NLRP12: variants seen among roughly 807,000 people sequenced by gnomAD.
NLRP12 encodes the protein NACHT, LRR and PYD domains-containing protein 12.
NLRP12 carries 108 observed loss-of-function variants against 91.2 expected under a neutral mutation model. The ratio of observed to expected loss-of-function variants is 1.18; its 90% confidence interval spans 1.01 to 1.39. The LOEUF (loss-of-function observed/expected upper bound fraction) is 1.39, where lower values mean the gene tolerates loss of function less well. Among genes scored for constraint, NLRP12 ranks in the 40% most tolerant of loss-of-function variants. The pLI, the probability that NLRP12 is intolerant of heterozygous loss-of-function variation, is 0.00. For synonymous variants in NLRP12, 613 were observed against 566.7 expected (o/e 1.08, Z -1.16); for missense variants, 1,530 against 1,352.7 (o/e 1.13, Z -2.06).
Position 53,810,734 on chromosome 19 carries a change from G to C in NLRP12, c.925C>G (p.Pro309Ala). 1 of 1,614,030 alleles carries C rather than the reference G, an allele frequency of 6.2e-7. No homozygotes were observed. Among genetic ancestry groups the C allele is most frequent in the Non-Finnish European group, 8.5e-7 (1 of 1,180,018 alleles). Residue 309 changes from proline to alanine, a missense_variant, in exon 3 of 10, where the codon CCC becomes GCC. Transcript: ENST00000324134. ...LKPSFHDPQG[P>A]WCLCWEEKRP... The stretch of plus-strand genomic sequence containing the variant: ...TTCTCCTCCCAGCAGAGGCACCAGG[G>C]TCCCTGAGGATCGTGGAAAGAAGGC...
chr19:53,811,110 G>A lies in NLRP12; in HGVS notation c.549C>T (p.His183=), dbSNP rs753676711. 5 of 1,614,054 alleles carry A rather than the reference G, an allele frequency of 3.1e-6. No individual in the cohort carries two copies. The highest frequency in any genetic ancestry group is 2.2e-5 in the East Asian group (1 of 44,844). ...QQQLLDTGRG[H]ARTVGHQASP... is the part of the protein sequence containing the mutation. ...TAGCCTGGTGTCCCACGGTCCTCGC[G>A]TGTCCCCGGCCTGTGTCCAGAAGCT... The change falls in exon 3 of 10, where the codon CAC becomes CAT. Residue 183 remains histidine, a synonymous_variant. Transcript: ENST00000324134.
At chr19:53,803,743 T>G in intron 6 of NLRP12, 1 of 550,992 alleles carries the variant, frequency 1.8e-6, no homozygotes, top group Non-Finnish European at 3.4e-6. Flanking sequence ...CCAGCTAATT[T>G]TTGTATCTTT....
intron 7 of NLRP12, among the ~76,000 whole-genome samples, chr19:53,799,658 T>TA (rs2091834954): frequency 6.6e-6 from 1 of 151,956 alleles, no homozygotes; most frequent in African/African-American, 2.4e-5. Context: ...AATTTTTATA[T>TA]TTTTAGTAGA....
intron 1 of NLRP12, among the ~76,000 whole-genome samples, chr19:53,818,666 A>G: frequency 6.6e-6 from 1 of 152,206 alleles, no homozygotes; most frequent in South Asian, 2.1e-4. Flanking sequence ...CTCCGTCTCA[A>G]AAAAATAAAT....
At chr19:53,798,446 G>C (rs1291553816) in intron 7 of NLRP12, 33 bp from the exon 8 acceptor site, 1 of 1,603,496 alleles carries the variant, frequency 6.2e-7, no homozygotes, top group Non-Finnish European at 8.5e-7. Context: ...CGGAGTGGGA[G>C]GCATTCCTCC....
At chr19:53,797,367 T>TC (rs924811165) in intron 8 of NLRP12, among the ~76,000 whole-genome samples, 1 of 151,570 alleles carries the variant, frequency 6.6e-6, no homozygotes, top group African/African-American at 2.4e-5. Context: ...TCATGATCTG[T>TC]CCGCCTTGGA....
intron 9 of NLRP12, among the ~76,000 whole-genome samples, chr19:53,795,118 G>C (rs867960128): frequency 7.7e-4 from 116 of 150,352 alleles, no homozygotes; most frequent in Middle Eastern, 3.4e-3. Context: ...GTGTGTGTGT[G>C]TGTGTGTGTG....
intron 1 of NLRP12, among the ~76,000 whole-genome samples, chr19:53,817,215 A>G (rs1406262197): frequency 6.6e-6 from 1 of 151,926 alleles, no homozygotes; most frequent in Non-Finnish European, 1.5e-5. Context: ...GGATTACCTG[A>G]TGTCAGGAGT....
At position 53,810,317 on chromosome 19, in the gene NLRP12, C is replaced by T. The variant is rs914321661; in HGVS notation, c.1342G>A (p.Gly448Arg). 5.0e-6 allele frequency: 8 copies of T among 1,613,598 alleles called. No individual in the cohort carries two copies. The highest frequency in any genetic ancestry group is 1.6e-4 in the Middle Eastern group (1 of 6,084). ...YLLSLMQPKP[G>R]APRLQPPPNQ... ...GGTGGGGGCTGGAGGCGCGGGGCCC[C>T]CGGCTTGGGTTGCATCAGACTCAGC... Residue 448 changes from glycine to arginine, a missense_variant, in exon 3 of 10, where the codon GGG becomes AGG. Transcript: ENST00000324134.
rs535457160 is a variant in NLRP12, at chr19:53,794,665, C to A, written c.3099-529G>T. Reference sequence around the variant, plus strand: ...CTTATGAAGATGCAACTATGTTCTCCATTTTTTTTTTCTTTCCCCAAGATG... The same window carrying A: ...CTTATGAAGATGCAACTATGTTCTCAATTTTTTTTTTCTTTCCCCAAGATG... On this transcript the variant is annotated intron_variant, in intron 9 of 9. Coordinates refer to ENST00000324134, the MANE Select transcript of NLRP12 (RefSeq NM_144687.4). 5.9e-5 allele frequency among the ~76,000 whole-genome samples: 7 copies of A among 118,610 alleles called. No homozygotes were observed. In the South Asian group the frequency reaches 1.9e-3, roughly 32 times the overall value. 77.8% of individuals were successfully genotyped at this position (118,610 alleles called of 152,430 possible). A position where few individuals can be genotyped will look rare whatever the true frequency, so the allele number is the denominator to read the frequency against.
At position 53,798,226 on chromosome 19, in the gene NLRP12, C is replaced by T. The variant is rs111310321; in HGVS notation, c.2927+17G>A. The T allele has an allele frequency of 1.4e-3, 2,290 of 1,614,120 alleles. 38 individuals are homozygous for T. In the African/African-American group the frequency reaches 0.028, roughly 20 times the overall value. On this transcript the variant is annotated intron_variant, in intron 8 of 9. Transcript: ENST00000324134. ...CCAAACGTGACCACTGCCACCCCGT[C>T]ACTCCCCGATGCTCACCACAGTTTC...
At chr19:53,816,380 C>CG (rs2092159565) in intron 1 of NLRP12, among the ~76,000 whole-genome samples, 1 of 151,956 alleles carries the variant, frequency 6.6e-6, no homozygotes. Context: ...CAGCCCGCCC[C>CG]CCCCAACAGT....
chr19:53,797,216 C>A (rs2091781496), intron 8 of NLRP12, among the ~76,000 whole-genome samples: 1 of 152,064 alleles, frequency 6.6e-6, no homozygotes, highest in African/African-American at 2.4e-5. Flanking sequence ...ACTGCAACCT[C>A]CACCTCCTGG....
intron 4 of NLRP12, among the ~76,000 whole-genome samples, chr19:53,806,698 A>G (rs1039735749): frequency 2.8e-5 from 4 of 144,748 alleles, no homozygotes; most frequent in Non-Finnish European, 6.0e-5. Flanking sequence ...AAAAAAAAAA[A>G]AAAAAAGAAA....
chr19:53,819,493 A>G (rs551402977), intron 1 of NLRP12, among the ~76,000 whole-genome samples: 26 of 116,438 alleles, frequency 2.2e-4, no homozygotes, highest in African/African-American at 3.5e-4. Flanking sequence ...GTATATACAT[A>G]TGTGTATATA....
intron 1 of NLRP12, among the ~76,000 whole-genome samples, chr19:53,815,684 C>A (rs1199144498): frequency 2.0e-5 from 3 of 152,154 alleles, no homozygotes; most frequent in African/African-American, 7.2e-5. Context: ...TCTTGGCTCA[C>A]TGCAACCTCT....
At chr19:53,806,196 T>C (rs1454183983) in intron 4 of NLRP12, among the ~76,000 whole-genome samples, 1 of 151,804 alleles carries the variant, frequency 6.6e-6, no homozygotes, top group Non-Finnish European at 1.5e-5. Context: ...ATCATGTCAC[T>C]GCACTCCAGC....
At chr19:53,819,254 CTTTTTTT>C (rs2092210025) in intron 1 of NLRP12, among the ~76,000 whole-genome samples, 2 of 150,386 alleles carry the variant, frequency 1.3e-5, no homozygotes, top group South Asian at 4.2e-4. Flanking sequence ...TCTTTCTTTT[CTTTTTTT>C]GAGATGGAGT....
At chr19:53,808,132 A>G (rs2091993281) in intron 3 of NLRP12, 3 of 306,830 alleles carry the variant, frequency 9.8e-6, no homozygotes, top group Admixed American at 8.7e-5. Flanking sequence ...ATCATGGCTC[A>G]CTGTAGGCTT....
Sources: allele counts gnomAD v4.1 joint callset (sites outside exome capture counted in the v4.1 genomes callset), GRCh38; gene constraint gnomAD v4.1.1; transcripts MANE v1.5; gene names NCBI Gene and HGNC (gene_info 2026-07-23, HGNC 2026-07-21).